The following RAB3C variants were observed in gnomAD, a reference collection of about 807,000 sequenced individuals.
RAB3C encodes ras-related protein Rab-3C.
RAB3C carries 17 observed loss-of-function variants against 26.4 expected under a neutral mutation model. The ratio of observed to expected loss-of-function variants is 0.64; its 90% CI spans 0.44 to 0.97. The LOEUF (loss-of-function observed/expected upper bound fraction) is 0.97. Among genes scored for constraint, RAB3C ranks in the 50% least tolerant of loss-of-function variants. RAB3C has a pLI of 0.00. For missense variants in RAB3C, 242 were observed against 281.9 expected, an observed-to-expected ratio of 0.86 and a Z score of 1.01; for synonymous variants, 91 against 95.9, an observed-to-expected ratio of 0.95 and a Z score of 0.30.
At chr5:58,612,703 T>G (rs760844232) in intron 1 of RAB3C, among the ~76,000 whole-genome samples, 6 of 151,882 alleles carry the variant, frequency 4.0e-5, no homozygotes, top group Non-Finnish European at 5.9e-5. Flanking sequence ...AAGTTGTTTA[T>G]CAGCTTAAGG....
chr5:58,843,875 C>G (rs1287034827), intron 4 of RAB3C, among the ~76,000 whole-genome samples: 1 of 152,176 alleles, frequency 6.6e-6, no homozygotes, highest in East Asian at 1.9e-4. Flanking sequence ...TCCATTTCCC[C>G]ATTAACCCCA....
chr5:58,830,315 A>G (rs1403819372), intron 4 of RAB3C, among the ~76,000 whole-genome samples: 2 of 152,190 alleles, frequency 1.3e-5, no homozygotes, highest in African/African-American at 4.8e-5. Flanking sequence ...TGCAGGCGGG[A>G]CATATAATTA....
chr5:58,791,618 G>A (rs2112014702), intron 3 of RAB3C, among the ~76,000 whole-genome samples: 1 of 152,278 alleles, frequency 6.6e-6, no homozygotes, highest in Non-Finnish European at 1.5e-5. Context: ...CCATAGTTAT[G>A]AATCTAAGAA....
At chr5:58,590,389 T>C (rs912764283) in intron 1 of RAB3C, among the ~76,000 whole-genome samples, 2 of 152,190 alleles carry the variant, frequency 1.3e-5, no homozygotes, top group African/African-American at 4.8e-5. Flanking sequence ...TCAGTATTAA[T>C]GTCAACTTTT....
intron 2 of RAB3C, among the ~76,000 whole-genome samples, chr5:58,632,196 G>A (rs1274706503): frequency 1.3e-5 from 2 of 152,196 alleles, no homozygotes; most frequent in African/African-American, 4.8e-5. Context: ...GAAACTAGAA[G>A]CCTGGGTGAA....
intron 1 of RAB3C, among the ~76,000 whole-genome samples, chr5:58,610,503 T>G (rs1459171058): frequency 6.6e-6 from 1 of 152,132 alleles, no homozygotes; most frequent in Non-Finnish European, 1.5e-5. Flanking sequence ...ATATTAACAA[T>G]GTTGAGTATG....
chr5:58,610,235 T>C (rs969366129), intron 1 of RAB3C, among the ~76,000 whole-genome samples: 1 of 151,096 alleles, frequency 6.6e-6, no homozygotes, highest in Non-Finnish European at 1.5e-5. Context: ...CATACGTTTT[T>C]ATTTCTCTTG....
intron 1 of RAB3C, among the ~76,000 whole-genome samples, chr5:58,609,402 C>A (rs958313809): frequency 6.6e-6 from 1 of 152,072 alleles, no homozygotes; most frequent in East Asian, 1.9e-4. Context: ...TTGAAATGTA[C>A]CAGAAGGTTC....
intron 3 of RAB3C, among the ~76,000 whole-genome samples, chr5:58,789,224 C>T (rs912064240): frequency 5.3e-5 from 8 of 152,040 alleles, no homozygotes; most frequent in South Asian, 2.1e-4. Flanking sequence ...GTACCAGCTG[C>T]CTCATTTAGA....
At chr5:58,792,040 T>C (rs1742534544) in intron 3 of RAB3C, among the ~76,000 whole-genome samples, 1 of 152,256 alleles carries the variant, frequency 6.6e-6, no homozygotes, top group Admixed American at 6.5e-5. Flanking sequence ...AAATAGCAAG[T>C]ACTATACAAA....
intron 4 of RAB3C, among the ~76,000 whole-genome samples, chr5:58,846,524 T>C (rs960550024): frequency 6.6e-6 from 1 of 151,994 alleles, no homozygotes; most frequent in African/African-American, 2.4e-5. Flanking sequence ...GATTACAGGA[T>C]TGTGGCACCA....
chr5:58,781,930 A>G (rs1742278323), intron 3 of RAB3C, among the ~76,000 whole-genome samples: 1 of 152,102 alleles, frequency 6.6e-6, no homozygotes. Context: ...TATATTCTAC[A>G]TAAATTTTTT....
chr5:58,775,776 T>C (rs1168972047), intron 3 of RAB3C, among the ~76,000 whole-genome samples: 1 of 152,160 alleles, frequency 6.6e-6, no homozygotes, highest in Non-Finnish European at 1.5e-5. Context: ...TTTCAAATCC[T>C]CACAGAGGAA....
intron 2 of RAB3C, among the ~76,000 whole-genome samples, chr5:58,694,601 T>TCCTGA (rs1474597293): frequency 6.6e-6 from 1 of 152,196 alleles, no homozygotes. Context: ...ATCTGTTGTT[T>TCCTGA]CCTGACTTTT....
intron 1 of RAB3C, among the ~76,000 whole-genome samples, chr5:58,599,294 C>T (rs2111681521): frequency 6.6e-6 from 1 of 152,246 alleles, no homozygotes; most frequent in African/African-American, 2.4e-5. Context: ...GCCTGGATTA[C>T]CAGTAGCTGG....
At chr5:58,677,256 G>A (rs946943514) in intron 2 of RAB3C, among the ~76,000 whole-genome samples, 5 of 151,964 alleles carry the variant, frequency 3.3e-5, no homozygotes, top group Non-Finnish European at 7.4e-5. Context: ...TATTCATAAC[G>A]ACCTCACTTC....
chr5:58,592,341 T>C (rs766248862), intron 1 of RAB3C, among the ~76,000 whole-genome samples: 1 of 152,244 alleles, frequency 6.6e-6, no homozygotes, highest in Non-Finnish European at 1.5e-5. Context: ...AATTTTGCTA[T>C]GATATAATTT....
chr5:58,650,641 A>G (rs1747623877), intron 2 of RAB3C, among the ~76,000 whole-genome samples: 1 of 152,292 alleles, frequency 6.6e-6, no homozygotes, highest in East Asian at 1.9e-4. Flanking sequence ...TTATAGTTGT[A>G]AATTATACTA....
At chr5:58,684,355 C>T (rs1748403799) in intron 2 of RAB3C, among the ~76,000 whole-genome samples, 1 of 152,128 alleles carries the variant, frequency 6.6e-6, no homozygotes. Flanking sequence ...TTGGAATCAA[C>T]TTAATTTTGG....
Sources: allele counts gnomAD v4.1 joint callset (sites outside exome capture counted in the v4.1 genomes callset), GRCh38; gene constraint gnomAD v4.1.1; transcripts MANE v1.5; gene names NCBI Gene and HGNC (gene_info 2026-07-23, HGNC 2026-07-21).